CMIP: variants seen among roughly 807,000 people sequenced by gnomAD.
CMIP encodes c-Maf inducing protein, also known as C-Maf-inducing protein.
Under a neutral mutation model 97.3 loss-of-function variants are expected in CMIP, and 13 were observed. The observed-to-expected ratio is 0.13, with a 90% CI of 0.09 to 0.21. The LOEUF is 0.21. Ranked by LOEUF, CMIP falls within the 10% of genes least tolerant of loss-of-function variation. CMIP has a pLI of 1.00. For missense variants in CMIP, 847 were observed against 1,024.9 expected, an observed-to-expected ratio of 0.83 and a Z score of 2.37; for synonymous variants, 538 against 436.3, an observed-to-expected ratio of 1.23 and a Z score of -2.91.
chr16:81,694,824 G>A (rs187777519), intron 13 of CMIP, among the ~76,000 whole-genome samples: 1 of 152,160 alleles, frequency 6.6e-6, no homozygotes, highest in Non-Finnish European at 1.5e-5. Flanking sequence ...CCAAAACACC[G>A]CAATTCTAAA....
chr16:81,519,574 G>A (rs2089980617), intron 1 of CMIP: 1 of 152,280 alleles, frequency 6.6e-6, no homozygotes, highest in Admixed American at 6.5e-5. Flanking sequence ...GACAGGGTTG[G>A]AATCTTGGGT....
intron 1 of CMIP, among the ~76,000 whole-genome samples, chr16:81,566,592 G>A (rs1284177073): frequency 6.6e-6 from 1 of 152,180 alleles, no homozygotes; most frequent in African/African-American, 2.4e-5. Flanking sequence ...CCAGGTCTTG[G>A]CAGGGGTCTA....
In CMIP at chr16:81,614,368, G is replaced by A. The variant is rs927458411; in HGVS notation, c.427-6508G>A. Among the ~76,000 whole-genome samples, 3 of 152,224 alleles carry A rather than the reference G, an allele frequency of 2.0e-5. No homozygotes were observed. Among genetic ancestry groups the A allele is most frequent in the Admixed American group, 1.3e-4 (2 of 15,288 alleles). ...GTGGGGGAAGGGAGTGTGCCAAGCG[G>A]TGCACGGGTTCTCAGGGGCTCCCAC... On this transcript the variant is annotated intron_variant, in intron 2 of 20. Coordinates refer to ENST00000537098, the MANE Select transcript of CMIP (RefSeq NM_198390.3). This position sits in a 1 kb window ranked among gnomAD's most constrained non-coding sequence, Gnocchi z 5.3.
Position 81,707,045 on chromosome 16 carries a change from C to T in CMIP, c.2229C>T (p.Asn743=), listed in dbSNP as rs368824151. ...AGAGTCTCTGCAGTTTAAACATGAACAGCACCAAGCTCTCAGCTGACACCT... is the reference window on the plus strand; with the variant it reads ...AGAGTCTCTGCAGTTTAAACATGAATAGCACCAAGCTCTCAGCTGACACCT... The part of the protein sequence containing the change: ...SMKSLCSLNM[N]STKLSADTYE... Residue 743 remains asparagine (N), a synonymous_variant, in exon 20 of 21, where the codon AAC becomes AAT. Transcript: ENST00000537098. 75 of 1,613,812 alleles carry T rather than the reference C, an allele frequency of 4.6e-5. No homozygotes were observed. In the African/African-American group the frequency reaches 9.2e-4, roughly 20 times the overall value.
intron 7 of CMIP, chr16:81,664,833 T>G: frequency 4.2e-6 from 1 of 238,798 alleles, no homozygotes; most frequent in Non-Finnish European, 8.0e-6. Flanking sequence ...AGACAGAATA[T>G]TCCCTTCATA....
At chr16:81,584,969 A>C (rs1171445132) in intron 1 of CMIP, among the ~76,000 whole-genome samples, 1 of 152,214 alleles carries the variant, frequency 6.6e-6, no homozygotes, top group Admixed American at 6.5e-5. Context: ...AAGTTTGGAA[A>C]ATTCTTAGAA....
chr16:81,708,351 C>T (rs539635746), intron 20 of CMIP, among the ~76,000 whole-genome samples: 1 of 152,236 alleles, frequency 6.6e-6, no homozygotes, highest in African/African-American at 2.4e-5. Flanking sequence ...CCCCAGGTAA[C>T]CCCACCCTGG....
chr16:81,703,934 C>T lies in CMIP; in HGVS notation c.1945-5C>T, dbSNP rs778166959. 1.0e-5 allele frequency: 16 copies of T among 1,591,850 alleles called. No homozygotes were observed. The highest frequency in any genetic ancestry group is 3.4e-5 in the South Asian group (3 of 88,206). ...CCCTCAGGCCTCTCCCCCGTCTGCC[C>T]GCAGGACGCTGACTTGGCTCGTTTG... On this transcript the variant is annotated splice_polypyrimidine_tract_variant and splice_region_variant and intron_variant, in intron 17 of 20. Coordinates refer to ENST00000537098, the MANE Select transcript of CMIP (RefSeq NM_198390.3).
chr16:81,650,623 A>G (rs1296988731), intron 3 of CMIP, among the ~76,000 whole-genome samples: 1 of 152,066 alleles, frequency 6.6e-6, no homozygotes, highest in Non-Finnish European at 1.5e-5. Flanking sequence ...GTATTGGCCT[A>G]GGTTTTACGT....
intron 3 of CMIP, among the ~76,000 whole-genome samples, chr16:81,644,748 C>T (rs1268032456): frequency 6.6e-6 from 1 of 152,188 alleles, no homozygotes. Context: ...CCATTGTCCC[C>T]GGGTGTGCAA....
intron 1 of CMIP, among the ~76,000 whole-genome samples, chr16:81,514,678 C>T (rs535128999): frequency 1.3e-5 from 2 of 152,276 alleles, no homozygotes; most frequent in Admixed American, 6.5e-5. Flanking sequence ...CATGGCTTCA[C>T]CCCTTATAAC....
intron 1 of CMIP, among the ~76,000 whole-genome samples, chr16:81,563,458 A>C (rs3900599): frequency 6.6e-6 from 1 of 152,110 alleles, no homozygotes; most frequent in African/African-American, 2.4e-5. Flanking sequence ...GGTGCGGTCT[A>C]TGGACCAGCA....
intron 1 of CMIP, among the ~76,000 whole-genome samples, chr16:81,595,034 G>GTC (rs60887695): frequency 0.033 from 4,857 of 145,752 alleles, 206 homozygotes; most frequent in African/African-American, 0.1. Flanking sequence ...ATATCATGTG[G>GTC]TCTCTCTCTC....
At chr16:81,601,427 A>G (rs991147323) in intron 1 of CMIP, among the ~76,000 whole-genome samples, 1 of 152,080 alleles carries the variant, frequency 6.6e-6, no homozygotes, top group Non-Finnish European at 1.5e-5. Flanking sequence ...TGGGGGGGTC[A>G]GCTCACCCCA....
chr16:81,600,693 A>G (rs183245328), intron 1 of CMIP, among the ~76,000 whole-genome samples: 241 of 152,344 alleles, frequency 1.6e-3, no homozygotes, highest in African/African-American at 2.6e-3. Flanking sequence ...AATGGACTCA[A>G]TGCCCGTGAA....
rs1389516557 is a variant in CMIP, at chr16:81,612,590, A to G, written c.426+4898A>G. On this transcript the variant is annotated intron_variant, in intron 2 of 20. Transcript: ENST00000537098. ...GGGGAGCTTGGAAAAGGTCGCTCACAGCGCACCCTGGGCTGTTTTTCTCAC... is the reference window on the plus strand; with the variant it reads ...GGGGAGCTTGGAAAAGGTCGCTCACGGCGCACCCTGGGCTGTTTTTCTCAC... Among the ~76,000 whole-genome samples, 5 of 152,334 alleles carry G rather than the reference A, an allele frequency of 3.3e-5. No individual in the cohort carries two copies. In the East Asian group the frequency reaches 9.7e-4, roughly 29 times the overall value.
chr16:81,602,598 G>T (rs189833551), intron 1 of CMIP, among the ~76,000 whole-genome samples: 1 of 152,260 alleles, frequency 6.6e-6, no homozygotes, highest in Admixed American at 6.5e-5. Context: ...CCGCCCCAGC[G>T]GCTGGCAACC....
chr16:81,666,304 C>G (rs920109541), intron 7 of CMIP: 1 of 152,170 alleles, frequency 6.6e-6, no homozygotes, highest in Non-Finnish European at 1.5e-5. Context: ...GCCACACCCC[C>G]GGGACATACT....
At chr16:81,447,754 T>A (rs1905950494) in intron 1 of CMIP, among the ~76,000 whole-genome samples, 1 of 152,230 alleles carries the variant, frequency 6.6e-6, no homozygotes. Flanking sequence ...TCCTTAAGTC[T>A]TACCCTTGCC....
Sources: gnomAD v4.1 joint callset for allele counts (sites outside exome capture counted in the v4.1 genomes callset) on GRCh38, gnomAD v4.1.1 for gene constraint, Gnocchi (gnomAD v3.1) non-coding constraint, MANE v1.5 for transcripts, NCBI Gene and HGNC (gene_info 2026-07-23, HGNC 2026-07-21) for gene names.